The following RASAL1 variants were observed in gnomAD, a reference collection of about 807,000 sequenced individuals.
RASAL1 encodes rasGAP-activating-like protein 1.
RASAL1 carries 72 observed loss-of-function variants against 96.6 expected under a neutral mutation model. The ratio of observed to expected loss-of-function variants is 0.75; its 90% CI spans 0.62 to 0.91. RASAL1 has a LOEUF of 0.91. Ranked by LOEUF, RASAL1 falls within the 40% of genes least tolerant of loss-of-function variation. The pLI is 0.00. For synonymous variants in RASAL1, 405 were observed against 430.4 expected (o/e 0.94, Z 0.73); for missense variants, 1,016 against 1,072.5 (o/e 0.95, Z 0.74).
chr12:113,101,505 G>T (rs948174181), intron 19 of RASAL1, among the ~76,000 whole-genome samples: 1 of 152,226 alleles, frequency 6.6e-6, no homozygotes, highest in East Asian at 1.9e-4. Flanking sequence ...GTCAGCTTCA[G>T]AACCCACTCT....
At position 113,121,590 on chromosome 12, in the gene RASAL1, A is replaced by T. The variant is rs1951296960; in HGVS notation, c.347T>A (p.Val116Glu). 6.2e-7 allele frequency: 1 copy of T among 1,614,018 alleles called. No individual in the cohort carries two copies. Among genetic ancestry groups the T allele is most frequent in the South Asian group, 1.1e-5 (1 of 91,088 alleles). The change falls in exon 5 of 21, where the codon GTG becomes GAG. Residue 116 changes from valine to glutamate, a missense_variant. Transcript: ENST00000548055. ...NLSRVDPDAE[V>E]QGEICLSVQM... is the part of the protein sequence containing the mutation. ...CACTGACAGGCAGATCTCACCCTGC[A>T]CTTCTGCATCTGGGTCCACTCGGCT...
Position 113,103,983 on chromosome 12 carries a change from G to A in RASAL1, c.2067C>T (p.Ser689=). 3 of 1,566,876 alleles carry A rather than the reference G, an allele frequency of 1.9e-6. No homozygotes were observed. Among genetic ancestry groups the A allele is most frequent in the Non-Finnish European group, 2.6e-6 (3 of 1,155,510 alleles). ...LAACHPGAFR[S]ARWTCCLQAE... Reference sequence around the variant, plus strand: ...CCTGGAGGCAGCAGGTCCAGCGCGCGCTGCGGAAGGCACCGGGGTGGCAGG... The same window carrying A: ...CCTGGAGGCAGCAGGTCCAGCGCGCACTGCGGAAGGCACCGGGGTGGCAGG... Residue 689 remains serine, a synonymous_variant, in exon 18 of 21, where the codon AGC becomes AGT. Transcript: ENST00000548055.
In RASAL1 at chr12:113,107,215, GC is replaced by G; in HGVS notation, c.1538del (p.Gly513AlafsTer26). Reference sequence around the variant, plus strand: ...GTTCCTTGCCTTGGCCCAGCTGCTGGCCCAGGTTTCCAATGCTCTGCACAGC... The same window carrying G: ...GTTCCTTGCCTTGGCCCAGCTGCTGGCCAGGTTTCCAATGCTCTGCACAGC... Reference protein sequence around the residue: ...AKAVQSIGNLGQQLGQGKELW... With the variant: ...AKAVQSIGNLXQQLGQGKELW... On this transcript the variant is annotated frameshift_variant, in exon 15 of 21. Coordinates refer to ENST00000548055, the MANE Select transcript of RASAL1 (RefSeq NM_001301202.2). LOFTEE classifies it high-confidence loss of function. 6.2e-7 allele frequency: 1 copy of G among 1,611,238 alleles called. No individual in the cohort carries two copies. The highest frequency in any genetic ancestry group is 8.5e-7 in the Non-Finnish European group (1 of 1,178,424).
In RASAL1 at chr12:113,105,736, A is replaced by C. The variant is rs1372968692; in HGVS notation, c.1808T>G (p.Phe603Cys). Residue 603 changes from phenylalanine to cysteine, a missense_variant, in exon 16 of 21, where the codon TTC becomes TGC. Transcript: ENST00000548055. ...YVWLSGETLS[F>C]SKSPEWQMCH... is the part of the protein sequence containing the mutation. ...CACCTGCCACTCAGGACTCTTGGAGAAGGAGAGGGTCTCCCCGCTGAGCCA... is the reference window on the plus strand; with the variant it reads ...CACCTGCCACTCAGGACTCTTGGAGCAGGAGAGGGTCTCCCCGCTGAGCCA... The C allele has an allele frequency of 3.1e-6, 5 of 1,611,260 alleles. No individual in the cohort carries two copies. Among genetic ancestry groups the C allele is most frequent in the Non-Finnish European group, 3.4e-6 (4 of 1,178,178 alleles).
intron 2 of RASAL1, among the ~76,000 whole-genome samples, chr12:113,128,500 C>A (rs1951579663): frequency 6.6e-6 from 1 of 151,690 alleles, no homozygotes; most frequent in Non-Finnish European, 1.5e-5. Context: ...AACACACACA[C>A]ACACACACAC....
At position 113,135,325 on chromosome 12, in the gene RASAL1, G is replaced by C; in HGVS notation, c.65+73C>G. ...CCCTCCTGCCAACCCGCCCTGGCAC[G>C]CGGAAAGGGCGACGTCGGCCCCACC... On this transcript the variant is annotated intron_variant, in intron 1 of 20. Transcript: ENST00000548055. This position sits in a 1 kb window ranked among gnomAD's most constrained non-coding sequence, Gnocchi z 5.7. The C allele has an allele frequency of 7.0e-7, 1 of 1,428,404 alleles. No individual in the cohort carries two copies. Among genetic ancestry groups the C allele is most frequent in the Non-Finnish European group, 9.6e-7 (1 of 1,038,412 alleles). The allele number at this position is 1,428,404 out of a possible 1,614,324, so 88.5% of individuals were successfully genotyped here.
At chr12:113,120,760 C>A (rs1318781705) in intron 5 of RASAL1, among the ~76,000 whole-genome samples, 2 of 152,142 alleles carry the variant, frequency 1.3e-5, no homozygotes, top group African/African-American at 4.8e-5. Flanking sequence ...CCTGGTCTTG[C>A]ATCCATCTTC....
intron 16 of RASAL1, among the ~76,000 whole-genome samples, chr12:113,104,686 G>A: frequency 6.6e-6 from 1 of 151,966 alleles, no homozygotes; most frequent in Non-Finnish European, 1.5e-5. Flanking sequence ...ATTTTTAGTA[G>A]AGACGGGGTT....
intron 1 of RASAL1, among the ~76,000 whole-genome samples, chr12:113,131,675 T>C (rs766253991): frequency 3.5e-4 from 53 of 152,154 alleles, no homozygotes; most frequent in South Asian, 2.3e-3. Flanking sequence ...CCCCCCTTCA[T>C]AATAACAGTC....
intron 18 of RASAL1, among the ~76,000 whole-genome samples, chr12:113,103,374 G>A (rs1290379197): frequency 6.6e-6 from 1 of 151,966 alleles, no homozygotes; most frequent in African/African-American, 2.4e-5. Context: ...GGGAGGCCGA[G>A]GAGGGCTTAT....
At chr12:113,127,691 G>C in intron 4 of RASAL1, 121 bp downstream of exon 4, 4 of 820,770 alleles carry the variant, frequency 4.9e-6, no homozygotes, top group Non-Finnish European at 7.6e-6. Flanking sequence ...AAAGACAAAA[G>C]CAACAAGAGA....
At chr12:113,101,000 A>C (rs1186052330) in intron 19 of RASAL1, among the ~76,000 whole-genome samples, 3 of 152,236 alleles carry the variant, frequency 2.0e-5, no homozygotes, top group African/African-American at 7.2e-5. Context: ...CAGCAGCATC[A>C]TTATCACTTA....
intron 12 of RASAL1, among the ~76,000 whole-genome samples, chr12:113,113,464 T>G (rs1367095709): frequency 6.6e-6 from 1 of 152,134 alleles, no homozygotes; most frequent in African/African-American, 2.4e-5. Flanking sequence ...GGGTGCCCAC[T>G]GAGTTTCCTC....
Position 113,115,265 on chromosome 12 carries a change from C to T in RASAL1, c.1004-1G>A. The T allele has an allele frequency of 6.2e-7, 1 of 1,613,040 alleles. No homozygotes were observed. The highest frequency in any genetic ancestry group is 1.1e-5 in the South Asian group (1 of 91,060). The stretch of plus-strand genomic sequence containing the variant: ...GAACGGAAGAGGGTGTTGGGGTCCA[C>T]TGGGAGGACAGGAGGAAGTGTTTGC... On this transcript the variant is annotated splice_acceptor_variant, in intron 10 of 20. Transcript: ENST00000548055. LOFTEE classifies it high-confidence loss of function. This position sits in a 1 kb window ranked among gnomAD's most constrained non-coding sequence, Gnocchi z 4.1.
intron 13 of RASAL1, among the ~76,000 whole-genome samples, chr12:113,111,249 G>A (rs1041145868): frequency 1.3e-5 from 2 of 152,126 alleles, no homozygotes; most frequent in South Asian, 2.1e-4. Context: ...CCAGATCTGC[G>A]TTCTTCTCTC....
At chr12:113,127,511 G>A (rs1951529215) in intron 4 of RASAL1, among the ~76,000 whole-genome samples, 1 of 152,086 alleles carries the variant, frequency 6.6e-6, no homozygotes. Flanking sequence ...TTAGCTGGGT[G>A]TGGTGGTGTG....
Position 113,115,136 on chromosome 12 carries a change from T to C in RASAL1, c.1068+64A>G, listed in dbSNP as rs886069233. On this transcript the variant is annotated intron_variant, in intron 11 of 20. Transcript: ENST00000548055. The surrounding 1 kb of genome is among the most constrained non-coding windows in gnomAD (Gnocchi z 4.1). The stretch of plus-strand genomic sequence containing the variant: ...AAGCCAGCTAAGTGAGGGAGCCAGG[T>C]AGGCACTGGGAAGGAGGTACCCGAG... 9 of 1,480,238 alleles carry C rather than the reference T, an allele frequency of 6.1e-6. No homozygotes were observed. In the African/African-American group the frequency reaches 1.3e-4, roughly 21 times the overall value. 91.7% of individuals were successfully genotyped at this position (1,480,238 alleles called of 1,614,324 possible). A position where few individuals can be genotyped will look rare whatever the true frequency, so the allele number is the denominator to read the frequency against.
chr12:113,104,024 G>T lies in RASAL1; in HGVS notation c.2026C>A (p.Pro676Thr), dbSNP rs1950555843. Residue 676 changes from proline (P) to threonine (T), a missense_variant, in exon 18 of 21, where the codon CCG becomes ACG. By Grantham distance (38) the Pro-to-Thr change is conservative. Transcript: ENST00000548055. Reference protein sequence around the residue: ...SALRKASAPNPNKLAACHPGA... With the variant: ...SALRKASAPNTNKLAACHPGA... ...GGGTGGCAGGCGGCCAGCTTGTTCG[G>T]GTTGGGGGCGCTGGCCTTGCGCAAG... 1 of 1,577,456 alleles carries T rather than the reference G, an allele frequency of 6.3e-7. No individual in the cohort carries two copies. Among genetic ancestry groups the T allele is most frequent in the Non-Finnish European group, 8.6e-7 (1 of 1,159,998 alleles).
intron 13 of RASAL1, among the ~76,000 whole-genome samples, chr12:113,109,211 C>A (rs73207014): frequency 6.6e-6 from 1 of 151,976 alleles, no homozygotes; most frequent in East Asian, 1.9e-4. Flanking sequence ...CTTCACCACA[C>A]TCTCCTGCCA....
Sources: gnomAD v4.1 joint callset for allele counts (sites outside exome capture counted in the v4.1 genomes callset) on GRCh38, gnomAD v4.1.1 for gene constraint, Gnocchi (gnomAD v3.1) non-coding constraint, MANE v1.5 for transcripts, NCBI Gene and HGNC (gene_info 2026-07-23, HGNC 2026-07-21) for gene names.